The following CSMD1 variants were observed in gnomAD, a reference collection of about 807,000 sequenced individuals.
The protein encoded by CSMD1 is CUB and sushi domain-containing protein 1.
A neutral mutation model predicts 417.5 loss-of-function variants in CSMD1; 213 were observed. The observed-to-expected ratio is 0.51, with a 90% confidence interval of 0.46 to 0.57. CSMD1 has a LOEUF of 0.57. Ranked by LOEUF, CSMD1 falls within the 20% of genes least tolerant of loss-of-function variation. The pLI is 0.00. For missense variants in CSMD1, 6,923 were observed against 4,529.7 expected (o/e 1.53, Z -15.17); for synonymous variants, 2,862 against 1,736.8 (o/e 1.65, Z -16.11).
intron 5 of CSMD1, among the ~76,000 whole-genome samples, chr8:3,786,349 G>T (rs547176350): frequency 7.2e-5 from 11 of 152,102 alleles, no homozygotes; most frequent in African/African-American, 2.7e-4. Flanking sequence ...CTGAGACCAC[G>T]GGCTTGGGTG....
At position 4,520,549 on chromosome 8, in the gene CSMD1, C is replaced by T. The variant is rs73660891; in HGVS notation, c.303-100484G>A. 2.5e-3 allele frequency among the ~76,000 whole-genome samples: 387 copies of T among 152,154 alleles called. 2 individuals carry two copies. Among genetic ancestry groups the T allele is most frequent in the African/African-American group, 8.9e-3 (369 of 41,516 alleles). Reference sequence around the variant, plus strand: ...AGGTGTCTTAGAAGCCAGAAAACCTCCCCATTTTTAAACAGATAATCAGAG... The same window carrying T: ...AGGTGTCTTAGAAGCCAGAAAACCTTCCCATTTTTAAACAGATAATCAGAG... On this transcript the variant is annotated intron_variant, in intron 2 of 69. Coordinates refer to ENST00000635120, the MANE Select transcript of CSMD1 (RefSeq NM_033225.6).
chr8:4,129,056 CAGAG>C (rs1802933975), intron 3 of CSMD1, among the ~76,000 whole-genome samples: 4 of 110,692 alleles, frequency 3.6e-5, no homozygotes, highest in African/African-American at 1.4e-4. Flanking sequence ...AGCGTGGTTA[CAGAG>C]TGAGAGTCCA....
intron 2 of CSMD1, among the ~76,000 whole-genome samples, chr8:4,491,459 T>G (rs147373816): frequency 1.3e-5 from 2 of 152,152 alleles, no homozygotes; most frequent in Admixed American, 1.3e-4. Flanking sequence ...TGAAAGGATA[T>G]GTTAAACAGC....
intron 1 of CSMD1, among the ~76,000 whole-genome samples, chr8:4,895,420 A>G (rs981738827): frequency 1.3e-5 from 2 of 152,134 alleles, no homozygotes; most frequent in African/African-American, 2.4e-5. Flanking sequence ...GCAAAGCCTG[A>G]GTAAATTTCA....
chr8:4,715,811 G>A (rs1808617958), intron 1 of CSMD1, among the ~76,000 whole-genome samples: 1 of 152,070 alleles, frequency 6.6e-6, no homozygotes, highest in South Asian at 2.1e-4. Context: ...CCTATCTCTA[G>A]CACTACCCCT....
intron 26 of CSMD1, among the ~76,000 whole-genome samples, chr8:3,235,010 T>C (rs937196489): frequency 4.0e-4 from 61 of 152,206 alleles, no homozygotes; most frequent in African/African-American, 1.4e-3. Flanking sequence ...AAAGGAAAAT[T>C]CTTCCTTTCC....
At chr8:4,025,490 C>G (rs527999384) in intron 4 of CSMD1, among the ~76,000 whole-genome samples, 20 of 152,282 alleles carry the variant, frequency 1.3e-4, no homozygotes, top group African/African-American at 4.3e-4. Context: ...GCATTTAAAT[C>G]AAGAGGCAAA....
intron 11 of CSMD1, among the ~76,000 whole-genome samples, chr8:3,478,468 G>T (rs997638926): frequency 1.4e-4 from 22 of 152,082 alleles, no homozygotes; most frequent in Non-Finnish European, 2.6e-4. Context: ...CAAATATCAG[G>T]CCTGATAATG....
intron 1 of CSMD1, among the ~76,000 whole-genome samples, chr8:4,970,893 G>C (rs554580716): frequency 2.0e-5 from 3 of 152,016 alleles, no homozygotes; most frequent in Admixed American, 6.6e-5. Context: ...GGAAAGTAAC[G>C]AAGTGCTTTT....
At chr8:3,202,950 G>A (rs913145060) in intron 31 of CSMD1, among the ~76,000 whole-genome samples, 1 of 151,980 alleles carries the variant, frequency 6.6e-6, no homozygotes, top group African/African-American at 2.4e-5. Flanking sequence ...AGAGGGAGAG[G>A]ACTTAATAAT....
At chr8:3,063,282 C>G (rs74455274) in intron 49 of CSMD1, among the ~76,000 whole-genome samples, 1 of 152,116 alleles carries the variant, frequency 6.6e-6, no homozygotes, top group East Asian at 1.9e-4. Flanking sequence ...GTGACTTAAC[C>G]TATTTCAGCT....
intron 3 of CSMD1, among the ~76,000 whole-genome samples, chr8:4,033,581 A>G (rs1489870733): frequency 6.6e-6 from 1 of 152,170 alleles, no homozygotes; most frequent in Non-Finnish European, 1.5e-5. Flanking sequence ...GTCTCCCTAC[A>G]ATGTGTAAAA....
intron 51 of CSMD1, among the ~76,000 whole-genome samples, chr8:3,028,363 G>C (rs1810101495): frequency 6.6e-6 from 1 of 152,120 alleles, no homozygotes; most frequent in Non-Finnish European, 1.5e-5. Flanking sequence ...GTGTGACAAA[G>C]AGGAACGGCT....
intron 5 of CSMD1, among the ~76,000 whole-genome samples, chr8:3,885,912 T>G (rs1289777403): frequency 1.3e-5 from 2 of 152,182 alleles, no homozygotes; most frequent in African/African-American, 4.8e-5. Flanking sequence ...GTTGTTAATC[T>G]GTGAATAAAT....
At chr8:4,395,320 G>C (rs974316202) in intron 3 of CSMD1, among the ~76,000 whole-genome samples, 1 of 152,066 alleles carries the variant, frequency 6.6e-6, no homozygotes, top group African/African-American at 2.4e-5. Flanking sequence ...CAGCCCCTTC[G>C]CTATTCTTAG....
rs200631455 is a variant in CSMD1, at chr8:3,075,276, C to T, written c.7474+11821G>A. On this transcript the variant is annotated intron_variant, in intron 49 of 69. Transcript: ENST00000635120. ...TATTTCTTTTTCTTTTCTTTTCTTTCTTTCTTTTTTTTTTTTTTTAGATGG... is the reference window on the plus strand; with the variant it reads ...TATTTCTTTTTCTTTTCTTTTCTTTTTTTCTTTTTTTTTTTTTTTAGATGG... Among the ~76,000 whole-genome samples, 33 of 38,178 alleles carry T rather than the reference C, an allele frequency of 8.6e-4. 7 individuals carry two copies. Among genetic ancestry groups the T allele is most frequent in the Non-Finnish European group, 8.6e-4 (11 of 12,778 alleles). 25.0% of individuals were successfully genotyped at this position (38,178 alleles called of 152,430 possible). A position where few individuals can be genotyped will look rare whatever the true frequency, so the allele number is the denominator to read the frequency against.
At chr8:4,540,093 G>C (rs1490319434) in intron 2 of CSMD1, among the ~76,000 whole-genome samples, 5 of 152,144 alleles carry the variant, frequency 3.3e-5, no homozygotes, top group East Asian at 1.9e-4. Flanking sequence ...CGATTATCGT[G>C]ACACCATATA....
intron 1 of CSMD1, among the ~76,000 whole-genome samples, chr8:4,762,239 T>C (rs1812156697): frequency 6.6e-6 from 1 of 152,134 alleles, no homozygotes; most frequent in African/African-American, 2.4e-5. Context: ...GCTTGCGCTA[T>C]TTTAAAATCT....
At chr8:4,842,551 C>T (rs1206564860) in intron 1 of CSMD1, among the ~76,000 whole-genome samples, 2 of 152,150 alleles carry the variant, frequency 1.3e-5, no homozygotes, top group Non-Finnish European at 2.9e-5. Flanking sequence ...CACTAAGGGT[C>T]ACAACGTAGG....
Sources: allele counts gnomAD v4.1 joint callset (sites outside exome capture counted in the v4.1 genomes callset), GRCh38; gene constraint gnomAD v4.1.1; transcripts MANE v1.5; gene names NCBI Gene and HGNC (gene_info 2026-07-23, HGNC 2026-07-21).